ITGB6: variants seen among roughly 807,000 people sequenced by gnomAD.
ITGB6 encodes integrin beta-6.
A neutral mutation model predicts 84.5 loss-of-function variants in ITGB6; 80 were observed. That is an observed-to-expected ratio of 0.95 (90% confidence interval 0.79 to 1.14). The LOEUF (loss-of-function observed/expected upper bound fraction) is 1.14. ITGB6 is among the 50% of genes most tolerant of loss of function. The pLI is 0.00. For missense variants in ITGB6, 1,006 were observed against 968.0 expected (o/e 1.04, Z -0.52); for synonymous variants, 383 against 354.9 (o/e 1.08, Z -0.89).
intron 14 of ITGB6, among the ~76,000 whole-genome samples, chr2:160,103,324 C>T (rs1032415949): frequency 4.5e-4 from 69 of 152,328 alleles, no homozygotes; most frequent in African/African-American, 1.6e-3. Context: ...CACACCTGCA[C>T]CCATTTCTAT....
chr2:160,172,723 A>AT lies in ITGB6; in HGVS notation c.766dup (p.Ile256AsnfsTer6), dbSNP rs1574118212. 3.1e-6 allele frequency: 5 copies of AT among 1,593,262 alleles called. No individual in the cohort carries two copies. Among genetic ancestry groups the AT allele is most frequent in the Non-Finnish European group, 4.3e-6 (5 of 1,162,470 alleles). Reference sequence around the variant, plus strand: ...GTGGAGGGAGTCATTCCGCCAGCCAATTTTTTCCTACAGTGAGAAAGAAAC... The same window carrying AT: ...GTGGAGGGAGTCATTCCGCCAGCCAATTTTTTTCCTACAGTGAGAAAGAAAC... On this transcript the variant is annotated frameshift_variant, in exon 6 of 15. Transcript: ENST00000283249. LOFTEE classifies it high-confidence loss of function.
At chr2:160,172,821 T>A in intron 5 of ITGB6, 91 bp from the exon 6 acceptor site, 1 of 940,336 alleles carries the variant, frequency 1.1e-6, no homozygotes, top group Non-Finnish European at 1.6e-6. Context: ...ATTTAGGTTA[T>A]AAAAATAATA....
intron 2 of ITGB6, 33 bp from the exon 3 acceptor site, chr2:160,196,453 A>G: frequency 1.3e-6 from 2 of 1,537,908 alleles, no homozygotes; most frequent in Non-Finnish European, 1.8e-6. Flanking sequence ...ATAACCAGAA[A>G]AAGAAAACAA....
intron 7 of ITGB6, among the ~76,000 whole-genome samples, chr2:160,157,751 A>AC (rs1176870220): frequency 8.7e-4 from 118 of 136,018 alleles, no homozygotes; most frequent in African/African-American, 2.9e-3. Context: ...ACAGAGGCAA[A>AC]AAAAAAAAAA....
rs777918545 is a variant in ITGB6 at position 160,107,834 on chromosome 2, G to C, written c.2113C>G (p.Pro705Ala). 7.5e-6 allele frequency: 12 copies of C among 1,597,974 alleles called. No homozygotes were observed. The highest frequency in any genetic ancestry group is 9.4e-6 in the Non-Finnish European group (11 of 1,170,258). Residue 705 changes from proline to alanine, a missense_variant, in exon 14 of 15, where the codon CCT (proline) becomes GCT (alanine). Physicochemically the swap from Pro to Ala is conservative, Grantham distance 27. Transcript: ENST00000283249. ...AACATGATCATGGGAATGTTTGGAG[G>C]CTTCGGACAATCTGCAGAAATAAAG... ...HSINEKDCPK[P>A]PNIPMIMLGV... is the part of the protein sequence containing the mutation.
intron 10 of ITGB6, among the ~76,000 whole-genome samples, chr2:160,133,341 T>C (rs1243705551): frequency 6.6e-6 from 1 of 152,146 alleles, no homozygotes; most frequent in East Asian, 1.9e-4. Flanking sequence ...AAGGGATCAA[T>C]TCAACAAGAA....
chr2:160,137,688 T>C lies in ITGB6; in HGVS notation c.1406A>G (p.His469Arg). ...EVEVNSSKCH[H>R]GNGSFQCGVC... ...CCCACACTGGAAAGAGCCGTTCCCG[T>C]GGTGACATTTGGAGCTGTTCACTTC... Residue 469 changes from histidine to arginine, a missense_variant, in exon 10 of 15, where the codon CAC becomes CGC. Physicochemically the swap from His to Arg is conservative, Grantham distance 29. Transcript: ENST00000283249. 1 of 1,614,204 alleles carries C rather than the reference T, an allele frequency of 6.2e-7. No individual in the cohort carries two copies. The highest frequency in any genetic ancestry group is 1.1e-5 in the South Asian group (1 of 91,076).
intron 13 of ITGB6, among the ~76,000 whole-genome samples, chr2:160,108,600 A>G (rs1697002507): frequency 6.6e-6 from 1 of 152,166 alleles, no homozygotes; most frequent in Admixed American, 6.5e-5. Flanking sequence ...GATACCAATA[A>G]GCTGAACTGT....
chr2:160,174,243 T>C lies in ITGB6; in HGVS notation c.594-104A>G, dbSNP rs1471899985. On this transcript the variant is annotated intron_variant, in intron 4 of 14. Coordinates refer to ENST00000283249, the MANE Select transcript of ITGB6 (RefSeq NM_000888.5). The stretch of plus-strand genomic sequence containing the variant: ...ATTCTCCTAAATGAAGATTAGTTTT[T>C]CTAAAGGGCCTGACTCTGCAACTCA... The C allele has an allele frequency of 3.2e-5, 28 of 869,838 alleles. 1 individual carries two copies. In the South Asian group the frequency reaches 4.9e-4, roughly 15 times the overall value. The allele number at this position is 869,838 out of a possible 1,614,324, so 53.9% of individuals were successfully genotyped here.
intron 12 of ITGB6, among the ~76,000 whole-genome samples, chr2:160,117,642 G>T (rs1356950973): frequency 6.6e-6 from 1 of 152,110 alleles, no homozygotes; most frequent in Non-Finnish European, 1.5e-5. Flanking sequence ...AAAGCTAGCA[G>T]AAGGCAAGAA....
At chr2:160,110,738 C>T (rs556295521) in intron 13 of ITGB6, among the ~76,000 whole-genome samples, 4 of 152,290 alleles carry the variant, frequency 2.6e-5, no homozygotes, top group Non-Finnish European at 5.9e-5. Flanking sequence ...CTCAGTTTGC[C>T]TCTTCTACCC....
rs191890721 is a variant in ITGB6 at position 160,181,724 on chromosome 2, C to T, written c.594-7585G>A. ...ACATCCCAGCAGGGATCAACAGACA[C>T]CTCATACAAGAGAGCTCCAATTGAC... On this transcript the variant is annotated intron_variant, in intron 4 of 14. Transcript: ENST00000283249. 1.6e-3 allele frequency among the ~76,000 whole-genome samples: 246 copies of T among 152,324 alleles called. 1 individual carries two copies. The highest frequency in any genetic ancestry group is 5.5e-3 in the African/African-American group (229 of 41,584).
In ITGB6 at chr2:160,168,638, C is replaced by T. The variant is rs187762527; in HGVS notation, c.1017+574G>A. Among the ~76,000 whole-genome samples, 240 of 152,276 alleles carry T rather than the reference C, an allele frequency of 1.6e-3. 4 individuals carry two copies. In the South Asian group the frequency reaches 0.02, roughly 13 times the overall value. Reference sequence around the variant, plus strand: ...GGGGACAGCACTTCATCTAATGAAACCATTCCCTTTTTGCAGTTGGTGCTT... The same window carrying T: ...GGGGACAGCACTTCATCTAATGAAATCATTCCCTTTTTGCAGTTGGTGCTT... On this transcript the variant is annotated intron_variant, in intron 7 of 14. Coordinates refer to ENST00000283249, the MANE Select transcript of ITGB6 (RefSeq NM_000888.5).
chr2:160,168,825 A>G (rs1685098340), intron 7 of ITGB6, among the ~76,000 whole-genome samples: 1 of 152,222 alleles, frequency 6.6e-6, no homozygotes, highest in Non-Finnish European at 1.5e-5. Flanking sequence ...AAGAATGTGA[A>G]GTCAATTCTG....
At position 160,112,179 on chromosome 2, in the gene ITGB6, C is replaced by G; in HGVS notation, c.2002G>C (p.Val668Leu). 2 of 1,611,818 alleles carry G rather than the reference C, an allele frequency of 1.2e-6. No individual in the cohort carries two copies. The highest frequency in any genetic ancestry group is 1.7e-6 in the Non-Finnish European group (2 of 1,178,788). The change falls in exon 13 of 15, where the codon GTT becomes CTT. Residue 668 changes from valine (V) to leucine (L), a missense_variant. Physicochemically the swap from Val to Leu is conservative, Grantham distance 32. Transcript: ENST00000283249. ...EEEDFSKDGS[V>L]SCSLQGENEC... is the part of the protein sequence containing the mutation. ...TTTTCTCCTTGCAGAGAGCAGGAAA[C>G]AGAACCATCCTTTGAGAAATCTGCA...
At chr2:160,196,496 A>G in intron 2 of ITGB6, 76 bp from the exon 3 acceptor site, 2 of 1,284,450 alleles carry the variant, frequency 1.6e-6, no homozygotes, top group South Asian at 2.7e-5. Context: ...CCAGCAATTG[A>G]AAGTTTTTCT....
intron 7 of ITGB6, among the ~76,000 whole-genome samples, chr2:160,158,572 A>G (rs1282197419): frequency 6.6e-6 from 1 of 152,238 alleles, no homozygotes; most frequent in African/African-American, 2.4e-5. Flanking sequence ...CCAAAGCTTT[A>G]GAAAGCTCTT....
At chr2:160,139,837 T>A (rs1278183764) in intron 8 of ITGB6, among the ~76,000 whole-genome samples, 1 of 152,202 alleles carries the variant, frequency 6.6e-6, no homozygotes, top group Non-Finnish European at 1.5e-5. Context: ...ATCCTTGGGA[T>A]TGCTGATATT....
intron 12 of ITGB6, among the ~76,000 whole-genome samples, chr2:160,115,565 A>C (rs1160237751): frequency 6.6e-6 from 1 of 152,234 alleles, no homozygotes; most frequent in African/African-American, 2.4e-5. Context: ...ATGGGGAAAA[A>C]ACAGAGCAGA....
Sources: allele counts gnomAD v4.1 joint callset (sites outside exome capture counted in the v4.1 genomes callset), GRCh38; gene constraint gnomAD v4.1.1; transcripts MANE v1.5; gene names NCBI Gene and HGNC (gene_info 2026-07-23, HGNC 2026-07-21).